SGK2: variants seen among roughly 807,000 people sequenced by gnomAD.
SGK2 encodes serum/glucocorticoid regulated kinase 2.
A neutral mutation model predicts 47.5 loss-of-function variants in SGK2; 36 were observed. The ratio of observed to expected loss-of-function variants is 0.76; its 90% confidence interval spans 0.58 to 1.00. The LOEUF (loss-of-function observed/expected upper bound fraction) is 1.00. Among genes scored for constraint, SGK2 ranks in the 50% least tolerant of loss-of-function variants. The pLI is 0.00. For missense variants in SGK2, 404 were observed against 467.4 expected, an observed-to-expected ratio of 0.86 and a Z score of 1.25; for synonymous variants, 157 against 181.9, an observed-to-expected ratio of 0.86 and a Z score of 1.10.
intron 12 of SGK2, among the ~76,000 whole-genome samples, chr20:43,582,204 T>G (rs1054369692): frequency 6.7e-6 from 1 of 148,364 alleles, no homozygotes; most frequent in African/African-American, 2.5e-5. Flanking sequence ...AGTTGGGAGG[T>G]GGGTGCCACC....
chr20:43,575,133 G>T, intron 10 of SGK2, 129 bp downstream of exon 10: 1 of 636,262 alleles, frequency 1.6e-6, no homozygotes, highest in Non-Finnish European at 2.8e-6. Flanking sequence ...AAAAGATAAC[G>T]CCAAGGTGAA....
At chr20:43,568,091 C>A (rs994923869) in intron 5 of SGK2, 92 bp downstream of exon 5, 4 of 1,008,112 alleles carry the variant, frequency 4.0e-6, no homozygotes, top group Non-Finnish European at 6.2e-6. Flanking sequence ...TCTGACAGGT[C>A]CATGGGCCTG....
At position 43,563,618 on chromosome 20, in the gene SGK2, G is replaced by A. The variant is rs147589542; in HGVS notation, c.-23-2855G>A. Among the ~76,000 whole-genome samples the A allele has an allele frequency of 4.6e-5, 7 of 152,318 alleles. No homozygotes were observed. In the East Asian group the frequency reaches 9.6e-4, roughly 21 times the overall value. ...AAGAAATGGGACCATATCTGGACAC[G>A]GTATATGGTCAAGAGAGGGAGCTCT... On this transcript the variant is annotated intron_variant, in intron 1 of 12. Transcript: ENST00000373100.
chr20:43,571,276 A>G (rs531542271), intron 8 of SGK2, among the ~76,000 whole-genome samples: 9 of 152,234 alleles, frequency 5.9e-5, no homozygotes, highest in Non-Finnish European at 1.2e-4. Context: ...GTGTGCATGC[A>G]TGTACATAGG....
intron 1 of SGK2, among the ~76,000 whole-genome samples, chr20:43,559,828 A>G (rs1979281808): frequency 6.6e-6 from 1 of 152,124 alleles, no homozygotes; most frequent in African/African-American, 2.4e-5. Context: ...CCCACACCCC[A>G]TTTGGCAGGG....
intron 1 of SGK2, chr20:43,565,873 C>T (rs992419315): frequency 2.5e-5 from 4 of 157,876 alleles, no homozygotes; most frequent in African/African-American, 9.6e-5. Flanking sequence ...TCTGTGGCCC[C>T]AGCCCAAGGC....
intron 3 of SGK2, 70 bp downstream of exon 3, chr20:43,567,187 A>G: frequency 7.7e-7 from 1 of 1,297,298 alleles, no homozygotes; most frequent in South Asian, 1.2e-5. Flanking sequence ...TGCCTTGGGA[A>G]TAAAATCCAG....
chr20:43,576,941 T>C (rs1264801951), intron 11 of SGK2, among the ~76,000 whole-genome samples: 1 of 151,756 alleles, frequency 6.6e-6, no homozygotes, highest in African/African-American at 2.4e-5. Context: ...AAACTCCACC[T>C]CAAAAACAAA....
rs761726709 is a variant in SGK2, at chr20:43,569,427, G to A, written c.271G>A (p.Val91Met). The change falls in exon 6 of 13, where the codon GTG (valine) becomes ATG (methionine). Residue 91 changes from valine (V) to methionine (M), a missense_variant. Transcript: ENST00000373100. ...AGAGCGCAGTGTGCTTCTGAAGAAC[G>A]TGCGGCACCCCTTCCTCGTGGGCCT... ...MAERSVLLKNVRHPFLVGLRY... is the reference protein window; with the variant it reads ...MAERSVLLKNMRHPFLVGLRY... 16 of 1,613,832 alleles carry A rather than the reference G, an allele frequency of 9.9e-6. No homozygotes were observed. Among genetic ancestry groups the A allele is most frequent in the Admixed American group, 1.7e-5 (1 of 60,004 alleles).
At chr20:43,570,784 T>C in intron 7 of SGK2, 55 bp downstream of exon 7, 1 of 1,417,676 alleles carries the variant, frequency 7.1e-7, no homozygotes, top group Admixed American at 1.8e-5. Flanking sequence ...CTCCAACAGC[T>C]AGGGGTTGTG....
chr20:43,584,151 G>A (rs1466714807), intron 12 of SGK2, among the ~76,000 whole-genome samples: 2 of 152,048 alleles, frequency 1.3e-5, no homozygotes, highest in African/African-American at 4.8e-5. Flanking sequence ...AGTTCTTCAT[G>A]AGCCTCTCAT....
chr20:43,577,670 G>A (rs1715603500), intron 11 of SGK2, among the ~76,000 whole-genome samples: 1 of 137,370 alleles, frequency 7.3e-6, no homozygotes, highest in Admixed American at 7.4e-5. Context: ...TTGAGACTGA[G>A]TCTCGCTCTG....
rs561476216 is a variant in SGK2 at position 43,572,837 on chromosome 20, A to G, written c.597+700A>G. Among the ~76,000 whole-genome samples the G allele has an allele frequency of 3.3e-5, 5 of 152,370 alleles. No individual in the cohort carries two copies. The highest frequency in any genetic ancestry group is 2.1e-4 in the South Asian group (1 of 4,834). On this transcript the variant is annotated intron_variant, in intron 9 of 12. Transcript: ENST00000373100. This position sits in a 1 kb window ranked among gnomAD's most constrained non-coding sequence, Gnocchi z 4.2. Reference sequence around the variant, plus strand: ...ATATTCTCATTTCAACATACCATCAATATAAAACTGGTTGAAATATTTTAT... The same window carrying G: ...ATATTCTCATTTCAACATACCATCAGTATAAAACTGGTTGAAATATTTTAT...
chr20:43,567,891 G>C (rs557942061), intron 4 of SGK2, 25 bp from the exon 5 acceptor site: 4 of 1,609,652 alleles, frequency 2.5e-6, no homozygotes, highest in Non-Finnish European at 3.4e-6. Context: ...CACCTACAGG[G>C]CCTCAAATTC....
In SGK2 at chr20:43,567,665, T is replaced by C; in HGVS notation, c.87T>C (p.Asn29=). The C allele has an allele frequency of 1.2e-6, 2 of 1,614,108 alleles. No individual in the cohort carries two copies. Among genetic ancestry groups the C allele is most frequent in the Non-Finnish European group, 1.7e-6 (2 of 1,179,974 alleles). The change falls in exon 4 of 13, where the codon AAT becomes AAC. Residue 29 remains asparagine, a splice_region_variant and synonymous_variant. Transcript: ENST00000373100. ...TCCGTGTTTTTCCCTCTTCCCCCAGTGCCCAGCCCACGGACTTCGACTTCC... is the reference window on the plus strand; with the variant it reads ...TCCGTGTTTTTCCCTCTTCCCCCAGCGCCCAGCCCACGGACTTCGACTTCC... ...NINLGPSANP[N]AQPTDFDFLK...
chr20:43,579,924 T>C lies in SGK2; in HGVS notation c.850-48T>C, dbSNP rs537487965. On this transcript the variant is annotated intron_variant, in intron 11 of 12. Coordinates refer to ENST00000373100, the MANE Select transcript of SGK2 (RefSeq NM_170693.3). Reference sequence around the variant, plus strand: ...TGTGGGGGTGAGGTGAGAGCACCCATGGGGAGGGCTACTTCTAACCAGAAC... The same window carrying C: ...TGTGGGGGTGAGGTGAGAGCACCCACGGGGAGGGCTACTTCTAACCAGAAC... 65 of 1,255,898 alleles carry C rather than the reference T, an allele frequency of 5.2e-5. 2 individuals are homozygous for C. In the South Asian group the frequency reaches 6.9e-4, roughly 13 times the overall value. 77.8% of individuals were successfully genotyped at this position (1,255,898 alleles called of 1,614,324 possible).
In SGK2 at chr20:43,580,273, A is replaced by G. The variant is rs112260858; in HGVS notation, c.939+212A>G. Among the ~76,000 whole-genome samples the G allele has an allele frequency of 1.4e-3, 217 of 152,338 alleles. 3 individuals are homozygous for G. The highest frequency in any genetic ancestry group is 4.9e-3 in the African/African-American group (203 of 41,576). Reference sequence around the variant, plus strand: ...ATGTTGCTGCTCCTTTGTCTTGAGCACCAATAAATAACTCTGGCTGCAGAG... The same window carrying G: ...ATGTTGCTGCTCCTTTGTCTTGAGCGCCAATAAATAACTCTGGCTGCAGAG... On this transcript the variant is annotated intron_variant, in intron 12 of 12. Transcript: ENST00000373100.
intron 1 of SGK2, among the ~76,000 whole-genome samples, chr20:43,560,122 G>C (rs1244300669): frequency 1.3e-5 from 2 of 152,188 alleles, no homozygotes; most frequent in African/African-American, 4.8e-5. Context: ...GGGCATGCCA[G>C]GTTCCCACCA....
Position 43,576,661 on chromosome 20 carries a change from C to A in SGK2, c.849+282C>A, listed in dbSNP as rs7344924. Among the ~76,000 whole-genome samples, 97 of 152,324 alleles carry A rather than the reference C, an allele frequency of 6.4e-4. 1 individual carries two copies. Among genetic ancestry groups the A allele is most frequent in the African/African-American group, 2.3e-3 (94 of 41,578 alleles). On this transcript the variant is annotated intron_variant, in intron 11 of 12. Coordinates refer to ENST00000373100, the MANE Select transcript of SGK2 (RefSeq NM_170693.3). ...GCCCTTATTAAGTTTGGGGTGGGGG[C>A]CGGGTGCGGCATACACGCCTGTAAT...
Sources: gnomAD v4.1 joint callset for allele counts (sites outside exome capture counted in the v4.1 genomes callset) on GRCh38, gnomAD v4.1.1 for gene constraint, Gnocchi (gnomAD v3.1) non-coding constraint, MANE v1.5 for transcripts, NCBI Gene and HGNC (gene_info 2026-07-23, HGNC 2026-07-21) for gene names.